Variants in KIF6 observed in about 807,000 individuals in gnomAD.
KIF6 encodes kinesin-like protein KIF6.
A neutral mutation model predicts 112.7 loss-of-function variants in KIF6; 106 were observed. That is an observed-to-expected ratio of 0.94 (90% CI 0.80 to 1.11). The LOEUF (loss-of-function observed/expected upper bound fraction) is 1.11. KIF6 is among the 50% of genes least tolerant of loss of function. The pLI is 0.00. For missense variants in KIF6, 929 were observed against 964.0 expected (o/e 0.96, Z 0.48); for synonymous variants, 339 against 339.9 (o/e 1.00, Z 0.03).
chr6:39,686,839 T>C (rs1288452084), intron 3 of KIF6, among the ~76,000 whole-genome samples: 1 of 152,210 alleles, frequency 6.6e-6, no homozygotes, highest in Non-Finnish European at 1.5e-5. Context: ...TAGAAACCAA[T>C]TGCATTTTTA....
intron 1 of KIF6, among the ~76,000 whole-genome samples, chr6:39,723,234 T>C (rs1449405896): frequency 6.6e-6 from 1 of 152,204 alleles, no homozygotes; most frequent in Non-Finnish European, 1.5e-5. Context: ...ACATAAATTA[T>C]ACGAGGCAAA....
chr6:39,419,871 T>C, intron 15 of KIF6, 77 bp downstream of exon 15: 1 of 1,270,844 alleles, frequency 7.9e-7, no homozygotes. Flanking sequence ...TTCATGGCCA[T>C]TTGGAGGCAC....
At chr6:39,345,540 G>T (rs1359875473) in intron 21 of KIF6, among the ~76,000 whole-genome samples, 160 bp downstream of exon 21, 2 of 152,220 alleles carry the variant, frequency 1.3e-5, no homozygotes, top group East Asian at 1.9e-4. Flanking sequence ...CTGTGTGAGA[G>T]ATTCCAGGGA....
At chr6:39,703,282 T>A (rs1181540845) in intron 3 of KIF6, among the ~76,000 whole-genome samples, 4 of 150,590 alleles carry the variant, frequency 2.7e-5, no homozygotes, top group Non-Finnish European at 4.5e-5. Flanking sequence ...ATGAAACACA[T>A]AAATGCTGGG....
intron 5 of KIF6, among the ~76,000 whole-genome samples, chr6:39,614,039 C>T (rs1783363088): frequency 6.6e-6 from 1 of 152,178 alleles, no homozygotes. Flanking sequence ...CTGATGCCAA[C>T]ACCGTTTCCT....
rs150291005 is a variant in KIF6, at chr6:39,714,726, C to T, written c.217G>A (p.Val73Ile). The T allele has an allele frequency of 1.5e-4, 236 of 1,613,822 alleles. 1 individual carries two copies. In the African/African-American group the frequency reaches 2.5e-3, roughly 17 times the overall value. ...ACTGGTTTGGCAATGTTTTCAAAAA[C>T]GGTCTCTTGGTTTGCATCCTGATCA... ...IFDQDANQET[V>I]FENIAKPVAG... is the part of the protein sequence containing the mutation. The change falls in exon 3 of 23, where the codon GTT becomes ATT. Residue 73 changes from valine (V) to isoleucine (I), a missense_variant. Around this residue, in one of 2 missense-constraint regions of KIF6, gnomAD observed 688 missense variants for 662.7 expected, o/e 1.04. Transcript: ENST00000287152.
intron 13 of KIF6, among the ~76,000 whole-genome samples, chr6:39,477,499 T>C (rs1774504505): frequency 6.6e-6 from 1 of 152,132 alleles, no homozygotes; most frequent in Non-Finnish European, 1.5e-5. Context: ...AGGGGCTGGT[T>C]CTCTGCATAA....
At chr6:39,425,238 C>T (rs1389618210) in intron 14 of KIF6, among the ~76,000 whole-genome samples, 21 of 152,192 alleles carry the variant, frequency 1.4e-4, no homozygotes, top group Admixed American at 1.4e-3. Flanking sequence ...AGGGTTCCTA[C>T]AATATCTTTC....
intron 10 of KIF6, among the ~76,000 whole-genome samples, chr6:39,569,495 A>C (rs1780528289): frequency 6.6e-6 from 1 of 152,260 alleles, no homozygotes; most frequent in South Asian, 2.1e-4. Flanking sequence ...CTGTACCTAT[A>C]GTTGAAATTT....
intron 19 of KIF6, chr6:39,353,900 G>A (rs1764443628): frequency 1.8e-6 from 1 of 570,234 alleles, no homozygotes; most frequent in Admixed American, 2.1e-5. Flanking sequence ...ACTGCTAAGT[G>A]GAGCTAAGTG....
chr6:39,547,780 C>T (rs1000958368), intron 10 of KIF6, among the ~76,000 whole-genome samples: 1 of 152,102 alleles, frequency 6.6e-6, no homozygotes, highest in African/African-American at 2.4e-5. Context: ...TCAGTGCATA[C>T]ACAGTAAAGG....
At chr6:39,524,809 GC>G (rs1300868709) in intron 13 of KIF6, among the ~76,000 whole-genome samples, 7 of 152,154 alleles carry the variant, frequency 4.6e-5, no homozygotes, top group African/African-American at 1.4e-4. Flanking sequence ...ACAGGTGTTG[GC>G]CCCAGGGGCA....
chr6:39,460,537 A>AAAAAAAAAAAAAAAAAAAAAAAAAT (rs1491312089), intron 13 of KIF6, among the ~76,000 whole-genome samples: 2 of 54,758 alleles, frequency 3.7e-5, no homozygotes, highest in African/African-American at 6.6e-5. Context: ...AAAAAAAAGT[A>AAAAAAAAAAAAAAAAAAAAAAAAAT]AAAAAAAAAA....
chr6:39,630,873 A>C, intron 5 of KIF6, among the ~76,000 whole-genome samples: 1 of 151,984 alleles, frequency 6.6e-6, no homozygotes, highest in South Asian at 2.1e-4. Flanking sequence ...GAGAGTATTT[A>C]TCATGAGAAG....
At chr6:39,720,337 G>A (rs1447316139) in intron 2 of KIF6, among the ~76,000 whole-genome samples, 1 of 152,010 alleles carries the variant, frequency 6.6e-6, no homozygotes, top group Non-Finnish European at 1.5e-5. Flanking sequence ...TATAAAGAAG[G>A]CTTACCTATG....
At chr6:39,524,822 G>A (rs1220243884) in intron 13 of KIF6, among the ~76,000 whole-genome samples, 1 of 152,178 alleles carries the variant, frequency 6.6e-6, no homozygotes, top group African/African-American at 2.4e-5. Context: ...CCAGGGGCAC[G>A]CCCTAATAAG....
intron 10 of KIF6, among the ~76,000 whole-genome samples, chr6:39,560,780 C>T (rs779471855): frequency 4.9e-4 from 74 of 152,278 alleles, no homozygotes; most frequent in Non-Finnish European, 9.6e-4. Context: ...TTGTTTGCTG[C>T]CAATGTTGTG....
intron 10 of KIF6, among the ~76,000 whole-genome samples, chr6:39,577,074 G>A (rs1781013722): frequency 6.6e-6 from 1 of 152,154 alleles, no homozygotes; most frequent in Admixed American, 6.5e-5. Context: ...TTGTCAATAT[G>A]CTTCCCCTTA....
chr6:39,646,203 C>T, intron 3 of KIF6, among the ~76,000 whole-genome samples: 1 of 149,066 alleles, frequency 6.7e-6, no homozygotes, highest in South Asian at 2.1e-4. Context: ...TCTCAAGATA[C>T]AATGTCTAAA....
Sources: gnomAD v4.1 joint callset for allele counts (sites outside exome capture counted in the v4.1 genomes callset) on GRCh38, gnomAD v4.1.1 for gene constraint, gnomAD v4.1.1 regional missense constraint, MANE v1.5 for transcripts, NCBI Gene and HGNC (gene_info 2026-07-23, HGNC 2026-07-21) for gene names.